The following NPIPB11 variants were observed in gnomAD, a reference collection of about 807,000 sequenced individuals.
The protein encoded by NPIPB11 is nuclear pore complex-interacting protein family member B11.
NPIPB11 carries 17 observed loss-of-function variants against 32.8 expected under a neutral mutation model. The ratio of observed to expected loss-of-function variants is 0.52; its 90% confidence interval spans 0.35 to 0.78. The LOEUF (loss-of-function observed/expected upper bound fraction) is 0.78, where lower values mean the gene tolerates loss of function less well. Ranked by LOEUF, NPIPB11 falls within the 30% of genes least tolerant of loss-of-function variation. The pLI is 0.01. For missense variants in NPIPB11, 537 were observed against 1,000.4 expected (o/e 0.54, Z 6.25); for synonymous variants, 209 against 398.4 (o/e 0.52, Z 5.66).
At chr16:29,400,346 G>A (rs1179165706) in intron 2 of NPIPB11, among the ~76,000 whole-genome samples, 2 of 151,782 alleles carry the variant, frequency 1.3e-5, no homozygotes, top group African/African-American at 2.4e-5. Flanking sequence ...CCCTTGCAGG[G>A]GGTCCCTCAT....
upstream of NPIPB11, among the ~76,000 whole-genome samples, chr16:29,404,638 G>T (rs1240663382): frequency 6.6e-6 from 1 of 150,816 alleles, no homozygotes; most frequent in Non-Finnish European, 1.5e-5. Flanking sequence ...ATAGGTCCAA[G>T]ACTGGGTAGT....
At chr16:29,382,188 G>A (rs1423484373) in exon 8 of NPIPB11, 4 of 596,448 alleles carry the variant, frequency 6.7e-6, no homozygotes, top group Non-Finnish European at 1.2e-5. Context: ...ATCATCTGCT[G>A]AGGGTGGAGC....
At chr16:29,384,022 G>T (rs1464350951) in exon 8 of NPIPB11, 1 of 1,224,646 alleles carries the variant, frequency 8.2e-7, no homozygotes, top group African/African-American at 2.7e-5. Flanking sequence ...CACTCGGGAG[G>T]TGTCTTGAGA....
At chr16:29,406,676 TGCACTCCC>T (rs1964119788), upstream of NPIPB11, among the ~76,000 whole-genome samples, 1 of 151,594 alleles carries the variant, frequency 6.6e-6, no homozygotes, top group African/African-American at 2.4e-5. Flanking sequence ...ATCATGCCAC[TGCACTCCC>T]GCCTGGGTGA....
At chr16:29,395,731 G>A (rs1963836813) in intron 2 of NPIPB11, among the ~76,000 whole-genome samples, 2 of 151,144 alleles carry the variant, frequency 1.3e-5, no homozygotes, top group African/African-American at 2.4e-5. Flanking sequence ...TGCAATCCCA[G>A]CACTTTGGGA....
chr16:29,392,560 A>C (rs1472121790), intron 3 of NPIPB11, among the ~76,000 whole-genome samples: 8 of 150,544 alleles, frequency 5.3e-5, no homozygotes, highest in Non-Finnish European at 1.2e-4. Context: ...AAATACAAAA[A>C]TTTGCTGGGC....
At position 29,397,169 on chromosome 16, in the gene NPIPB11, TAA is replaced by T. The variant is rs561934286; in HGVS notation, c.121-3095_121-3094del. Among the ~76,000 whole-genome samples, 3 of 138,868 alleles carry T rather than the reference TAA, an allele frequency of 2.2e-5. 1 individual carries two copies. The highest frequency in any genetic ancestry group is 7.5e-3 in the Middle Eastern group (2 of 268). 91.1% of individuals were successfully genotyped at this position (138,868 alleles called of 152,430 possible). On this transcript the variant is annotated intron_variant, in intron 2 of 7. Coordinates refer to ENST00000524087, the Ensembl canonical transcript of NPIPB11. Reference sequence around the variant, plus strand: ...CTGGGCGACAGAGTGAGACTCTGTCTAAAAAAAAAAAAAAGTCATCAAACCAG... The same window carrying T: ...CTGGGCGACAGAGTGAGACTCTGTCTAAAAAAAAAAAAGTCATCAAACCAG...
At chr16:29,390,584 G>A (rs1375291590) in intron 3 of NPIPB11, among the ~76,000 whole-genome samples, 11 of 149,542 alleles carry the variant, frequency 7.4e-5, no homozygotes, top group Admixed American at 2.7e-4. Context: ...GCTGGGAGGC[G>A]GAGGTTGCAG....
At chr16:29,399,870 A>C (rs1963947541) in intron 2 of NPIPB11, among the ~76,000 whole-genome samples, 2 of 151,760 alleles carry the variant, frequency 1.3e-5, no homozygotes, top group African/African-American at 4.9e-5. Flanking sequence ...CGAGGTTAGG[A>C]GTTCGAGACC....
At chr16:29,402,696 C>G (rs937217036) in intron 2 of NPIPB11, among the ~76,000 whole-genome samples, 1 of 112,516 alleles carries the variant, frequency 8.9e-6, no homozygotes, top group Non-Finnish European at 1.9e-5. Flanking sequence ...GAGTGAAACT[C>G]TGTCTCTCTC....
At chr16:29,397,166 G>C (rs1052957548) in intron 2 of NPIPB11, among the ~76,000 whole-genome samples, 1 of 104,354 alleles carries the variant, frequency 9.6e-6, no homozygotes, top group Non-Finnish European at 2.1e-5. Flanking sequence ...GTGAGACTCT[G>C]TCTAAAAAAA....
In NPIPB11 at chr16:29,390,468, G is replaced by C. The variant is rs1287938957; in HGVS notation, c.250-120C>G. The stretch of plus-strand genomic sequence containing the variant: ...TCAGGAGCAAGACCAGCCTGGCCAA[G>C]ATGGTGAAACCCCATCTCTACTAAA... On this transcript the variant is annotated intron_variant, in intron 3 of 7. Coordinates refer to ENST00000524087, the Ensembl canonical transcript of NPIPB11. 6 of 1,500,292 alleles carry C rather than the reference G, an allele frequency of 4.0e-6. No individual in the cohort carries two copies. In the Admixed American group the frequency reaches 8.6e-5, roughly 22 times the overall value. The allele number at this position is 1,500,292 out of a possible 1,614,324, so 92.9% of individuals were successfully genotyped here.
At chr16:29,389,538 A>G (rs375058913) in intron 5 of NPIPB11, among the ~76,000 whole-genome samples, 22 of 148,684 alleles carry the variant, frequency 1.5e-4, no homozygotes, top group South Asian at 2.2e-4. Flanking sequence ...GCTGGGCGTG[A>G]TGGTGGGCAC....
At chr16:29,393,455 T>G (rs1963770650) in intron 3 of NPIPB11, among the ~76,000 whole-genome samples, 2 of 152,134 alleles carry the variant, frequency 1.3e-5, no homozygotes, top group South Asian at 4.1e-4. Flanking sequence ...GGGTGCTCTT[T>G]AAGCATCAAC....
chr16:29,401,078 C>T (rs1444227015), intron 2 of NPIPB11, among the ~76,000 whole-genome samples: 1 of 152,074 alleles, frequency 6.6e-6, no homozygotes, highest in Non-Finnish European at 1.5e-5. Context: ...AATCAGGCCC[C>T]ACGATGTTTT....
intron 2 of NPIPB11, among the ~76,000 whole-genome samples, 167 bp from the exon 3 acceptor site, chr16:29,394,243 A>T (rs542057077): frequency 1.8e-4 from 28 of 152,160 alleles, no homozygotes; most frequent in Admixed American, 1.4e-3. Flanking sequence ...GTTAGAAGTC[A>T]CATGTTTTTC....
At chr16:29,397,166 G>A (rs1052957548) in intron 2 of NPIPB11, among the ~76,000 whole-genome samples, 1 of 104,354 alleles carries the variant, frequency 9.6e-6, no homozygotes, top group Admixed American at 8.8e-5. Flanking sequence ...GTGAGACTCT[G>A]TCTAAAAAAA....
chr16:29,381,449 G>C, exon 8 of NPIPB11: 1 of 1,304,228 alleles, frequency 7.7e-7, no homozygotes, highest in South Asian at 1.3e-5. Flanking sequence ...CCTCTTCTCA[G>C]CTCAACCTCC....
exon 8 of NPIPB11, chr16:29,384,113 G>T (rs1254128279): frequency 8.0e-7 from 1 of 1,254,396 alleles, no homozygotes; most frequent in Non-Finnish European, 1.1e-6. Flanking sequence ...AGGGTGGAAG[G>T]GGAGTGAGCA....
Sources: gnomAD v4.1 joint callset for allele counts (sites outside exome capture counted in the v4.1 genomes callset) on GRCh38, gnomAD v4.1.1 for gene constraint, MANE v1.5 for transcripts, NCBI Gene and HGNC (gene_info 2026-07-23, HGNC 2026-07-21) for gene names.